TFCP2: variants seen among roughly 807,000 people sequenced by gnomAD.
The protein encoded by TFCP2 is transcription factor CP2.
A neutral mutation model predicts 73.4 loss-of-function variants in TFCP2; 33 were observed. The observed-to-expected ratio is 0.45, with a 90% CI of 0.34 to 0.60. The LOEUF (loss-of-function observed/expected upper bound fraction) is 0.60, where lower values mean the gene tolerates loss of function less well. Ranked by LOEUF, TFCP2 falls within the 20% of genes least tolerant of loss-of-function variation. The pLI, the probability that TFCP2 is intolerant of heterozygous loss-of-function variation, is 0.01. For missense variants in TFCP2, 352 were observed against 604.0 expected (o/e 0.58, Z 4.37); for synonymous variants, 193 against 211.6 (o/e 0.91, Z 0.76).
intron 1 of TFCP2, among the ~76,000 whole-genome samples, chr12:51,167,531 T>C (rs1941779901): frequency 6.6e-6 from 1 of 152,160 alleles, no homozygotes; most frequent in Admixed American, 6.6e-5. Context: ...TAGCTGAGAT[T>C]ACAGGTGTGC....
chr12:51,168,578 G>A (rs1230145402), intron 1 of TFCP2, among the ~76,000 whole-genome samples: 1 of 152,106 alleles, frequency 6.6e-6, no homozygotes, highest in East Asian at 1.9e-4. Context: ...TTGACCTCCT[G>A]GGCTCAAACG....
At chr12:51,116,443 G>C (rs1940530441) in intron 3 of TFCP2, 23 bp from the exon 4 acceptor site, 3 of 1,404,710 alleles carry the variant, frequency 2.1e-6, no homozygotes, top group Non-Finnish European at 2.9e-6. Context: ...AACAAAATCA[G>C]ATGATAACAA....
intron 1 of TFCP2, among the ~76,000 whole-genome samples, chr12:51,129,283 G>A (rs1940885537): frequency 6.6e-6 from 1 of 151,990 alleles, no homozygotes; most frequent in Non-Finnish European, 1.5e-5. Context: ...GGAGGCTGAG[G>A]TGGGCGGATC....
At chr12:51,104,410 A>C (rs1266752369) in intron 8 of TFCP2, among the ~76,000 whole-genome samples, 1 of 152,214 alleles carries the variant, frequency 6.6e-6, no homozygotes, top group African/African-American at 2.4e-5. Context: ...AAACTATGTC[A>C]TTAGCAATAT....
intron 11 of TFCP2, among the ~76,000 whole-genome samples, chr12:51,100,019 C>T (rs1207563856): frequency 6.6e-6 from 1 of 151,944 alleles, no homozygotes; most frequent in Non-Finnish European, 1.5e-5. Context: ...TTTGGCTTTT[C>T]CTGAAGACTC....
intron 1 of TFCP2, among the ~76,000 whole-genome samples, chr12:51,140,348 G>A (rs1941158999): frequency 6.6e-6 from 1 of 151,344 alleles, no homozygotes; most frequent in South Asian, 2.1e-4. Context: ...AGGATCACTT[G>A]AGCCCAGTAA....
At chr12:51,095,865 T>C (rs1365859263) in intron 14 of TFCP2, 124 bp downstream of exon 14, 4 of 444,982 alleles carry the variant, frequency 9.0e-6, no homozygotes, top group Admixed American at 3.8e-5. Flanking sequence ...CAATCTCTAA[T>C]ATTGTCACTT....
intron 1 of TFCP2, chr12:51,125,017 G>C: frequency 4.1e-6 from 3 of 737,574 alleles, no homozygotes; most frequent in Non-Finnish European, 7.5e-6. Context: ...GCATCAAAGC[G>C]AGCCACCACT....
At chr12:51,102,635 G>A (rs922321540) in intron 10 of TFCP2, among the ~76,000 whole-genome samples, 1 of 152,112 alleles carries the variant, frequency 6.6e-6, no homozygotes, top group Non-Finnish European at 1.5e-5. Context: ...TGAGGCAGGA[G>A]AATCGCTTGA....
chr12:51,166,619 G>C (rs565859773), intron 1 of TFCP2, among the ~76,000 whole-genome samples: 1 of 152,190 alleles, frequency 6.6e-6, no homozygotes, highest in South Asian at 2.1e-4. Context: ...GCCATTTTCT[G>C]CACATGGCCT....
intron 1 of TFCP2, chr12:51,124,748 G>C: frequency 1.3e-6 from 1 of 741,174 alleles, no homozygotes; most frequent in Non-Finnish European, 2.5e-6. Context: ...CAGAGATCAC[G>C]GCTGCCTTTT....
chr12:51,153,970 G>A (rs887598645), intron 1 of TFCP2, among the ~76,000 whole-genome samples: 2 of 152,138 alleles, frequency 1.3e-5, no homozygotes, highest in African/African-American at 2.4e-5. Flanking sequence ...CACAGTGAAT[G>A]CACCATTTTA....
intron 1 of TFCP2, among the ~76,000 whole-genome samples, chr12:51,172,010 CCCCAAGTCT>C (rs1941873229): frequency 6.6e-6 from 1 of 152,186 alleles, no homozygotes; most frequent in African/African-American, 2.4e-5. Context: ...CACCATCAGT[CCCCAAGTCT>C]CCCACATTGG....
chr12:51,144,715 C>CT, intron 1 of TFCP2, among the ~76,000 whole-genome samples: 1 of 152,252 alleles, frequency 6.6e-6, no homozygotes, highest in South Asian at 2.1e-4. Flanking sequence ...ACATAGAAAA[C>CT]TTTAAAAAGA....
intron 10 of TFCP2, 126 bp from the exon 11 acceptor site, chr12:51,102,151 C>CA: frequency 1.5e-6 from 1 of 664,862 alleles, no homozygotes; most frequent in South Asian, 1.9e-5. Flanking sequence ...TTCTTCATGG[C>CA]ATATAAGGCC....
intron 1 of TFCP2, 39 bp downstream of exon 1, chr12:51,172,262 T>C (rs1310307236): frequency 6.2e-7 from 1 of 1,609,594 alleles, no homozygotes; most frequent in Non-Finnish European, 8.5e-7. Context: ...TCCGCCTTTG[T>C]TATTCAGAAG....
At chr12:51,151,575 T>C (rs1941426682) in intron 1 of TFCP2, among the ~76,000 whole-genome samples, 1 of 152,168 alleles carries the variant, frequency 6.6e-6, no homozygotes, top group African/African-American at 2.4e-5. Context: ...TAGCTAGGAC[T>C]ACAGGCGCCC....
chr12:51,159,109 G>A (rs1168104082), intron 1 of TFCP2, among the ~76,000 whole-genome samples: 1 of 148,998 alleles, frequency 6.7e-6, no homozygotes, highest in African/African-American at 2.4e-5. Context: ...AACTCAGGAG[G>A]CGGAGGTTGC....
chr12:51,106,968 T>C (rs1940262251), intron 7 of TFCP2: 2 of 552,452 alleles, frequency 3.6e-6, no homozygotes, highest in African/African-American at 1.9e-5. Context: ...TGCTTATGTA[T>C]ACAAAGCAAA....
Sources: allele counts gnomAD v4.1 joint callset (sites outside exome capture counted in the v4.1 genomes callset), GRCh38; gene constraint gnomAD v4.1.1; transcripts MANE v1.5; gene names NCBI Gene and HGNC (gene_info 2026-07-23, HGNC 2026-07-21).